Variants in IRAG2 observed in about 807,000 individuals in gnomAD.
IRAG2 encodes the protein lymphoid restricted membrane protein.
Under a neutral mutation model 69.9 loss-of-function variants are expected in IRAG2, and 45 were observed. The observed-to-expected ratio is 0.64, with a 90% CI of 0.51 to 0.83. The LOEUF (loss-of-function observed/expected upper bound fraction) is 0.83. Among genes scored for constraint, IRAG2 ranks in the 40% least tolerant of loss-of-function variants. The pLI, the probability that IRAG2 is intolerant of heterozygous loss-of-function variation, is 0.00. For synonymous variants in IRAG2, 193 were observed against 202.4 expected, an observed-to-expected ratio of 0.95 and a Z score of 0.40; for missense variants, 520 against 587.0, an observed-to-expected ratio of 0.89 and a Z score of 1.18.
At chr12:25,043,766 G>A (rs1944769658) in intron 16 of IRAG2, among the ~76,000 whole-genome samples, 1 of 152,204 alleles carries the variant, frequency 6.6e-6, no homozygotes, top group South Asian at 2.1e-4. Context: ...AGACCAGTAT[G>A]TGAAGACTGG....
intron 3 of IRAG2, chr12:25,015,137 TCCTAGCTCAC>T (rs1944514642): frequency 1.5e-6 from 1 of 668,556 alleles, no homozygotes; most frequent in African/African-American, 2.9e-5. Flanking sequence ...AGGCAAAGAA[TCCTAGCTCAC>T]TGGTTTTGTT....
chr12:25,062,373 A>G (rs888136226), intron 2 of IRAG2, among the ~76,000 whole-genome samples: 3 of 152,224 alleles, frequency 2.0e-5, no homozygotes, highest in Non-Finnish European at 2.9e-5. Flanking sequence ...GTTGAGCTGG[A>G]AAAACCTCCA....
intron 6 of IRAG2, among the ~76,000 whole-genome samples, chr12:25,070,774 C>T (rs569388567): frequency 2.6e-5 from 4 of 152,114 alleles, no homozygotes; most frequent in Admixed American, 6.5e-5. Context: ...ATGAAGATTC[C>T]GGTTTCTCTG....
intron 16 of IRAG2, 72 bp downstream of exon 16, chr12:25,101,397 ATTAC>A: frequency 9.3e-7 from 1 of 1,073,638 alleles, no homozygotes; most frequent in Admixed American, 3.0e-5. Flanking sequence ...AAGTCTTATT[ATTAC>A]TTCAGTATAA....
At chr12:25,008,236 C>G (rs1057010061) in intron 2 of IRAG2, among the ~76,000 whole-genome samples, 1 of 152,132 alleles carries the variant, frequency 6.6e-6, no homozygotes, top group Non-Finnish European at 1.5e-5. Flanking sequence ...AACTATTTTG[C>G]TATACTGGTG....
chr12:25,077,286 G>C (rs199841886), intron 6 of IRAG2, among the ~76,000 whole-genome samples: 16 of 19,172 alleles, frequency 8.3e-4, no homozygotes, highest in African/African-American at 1.1e-3. Context: ...AAATATATAT[G>C]ATATATATAT....
At chr12:25,004,448 A>G in exon 1 of IRAG2, 1 of 1,232,172 alleles carries the variant, frequency 8.1e-7, no homozygotes, top group Non-Finnish European at 1.0e-6. Context: ...AATCCAATTC[A>G]GCAGATTATC....
chr12:25,024,146 A>G (rs913459715), intron 8 of IRAG2, among the ~76,000 whole-genome samples: 3 of 152,234 alleles, frequency 2.0e-5, no homozygotes, highest in Non-Finnish European at 2.9e-5. Context: ...GATTTAAGAA[A>G]TTCAAATTTA....
intron 4 of IRAG2, among the ~76,000 whole-genome samples, chr12:25,065,039 G>A (rs1482317922): frequency 1.3e-5 from 2 of 151,514 alleles, no homozygotes; most frequent in East Asian, 1.9e-4. Flanking sequence ...GCAGTGAGCC[G>A]AGATTGTACC....
At chr12:25,013,039 A>G (rs1944489621) in intron 3 of IRAG2, among the ~76,000 whole-genome samples, 1 of 152,258 alleles carries the variant, frequency 6.6e-6, no homozygotes, top group Non-Finnish European at 1.5e-5. Flanking sequence ...GAGTTTAACA[A>G]AGATTTTTAA....
At chr12:25,076,358 G>A (rs760553294) in intron 6 of IRAG2, 3 of 932,588 alleles carry the variant, frequency 3.2e-6, no homozygotes, top group East Asian at 1.2e-4. Context: ...TTTATTGAAA[G>A]ACTTCTAACT....
chr12:25,059,013 A>G (rs1945440063), intron 1 of IRAG2, among the ~76,000 whole-genome samples: 1 of 152,238 alleles, frequency 6.6e-6, no homozygotes, highest in African/African-American at 2.4e-5. Context: ...GAATGCTTCA[A>G]GATAGACTGT....
chr12:25,004,095 T>C (rs1049075804), upstream of IRAG2, among the ~76,000 whole-genome samples: 2 of 152,210 alleles, frequency 1.3e-5, no homozygotes, highest in Non-Finnish European at 2.9e-5. Context: ...CTTAGTACCA[T>C]GCCTGGCACT....
At chr12:25,036,988 C>A (rs1177314988) in intron 15 of IRAG2, among the ~76,000 whole-genome samples, 1 of 152,062 alleles carries the variant, frequency 6.6e-6, no homozygotes, top group Admixed American at 6.6e-5. Context: ...AAGATTTTTC[C>A]TTAGCCTATT....
intron 1 of IRAG2, among the ~76,000 whole-genome samples, chr12:25,053,654 C>A (rs559800845): frequency 6.6e-5 from 10 of 151,984 alleles, no homozygotes; most frequent in African/African-American, 2.4e-4. Flanking sequence ...TAAAAATAAA[C>A]CTTACTTATT....
intron 4 of IRAG2, among the ~76,000 whole-genome samples, chr12:25,065,261 C>T (rs1321495433): frequency 6.6e-6 from 1 of 152,118 alleles, no homozygotes; most frequent in Non-Finnish European, 1.5e-5. Context: ...TAATAATTTG[C>T]CCAAGGTCAT....
intron 3 of IRAG2, 72 bp downstream of exon 3, chr12:25,062,972 A>G: frequency 2.5e-6 from 1 of 398,630 alleles, no homozygotes; most frequent in Non-Finnish European, 4.4e-6. Flanking sequence ...TAGAAAGCTA[A>G]ATCCAGTATG....
chr12:25,003,183 C>T (rs184296402), upstream of IRAG2, among the ~76,000 whole-genome samples: 91 of 151,672 alleles, frequency 6.0e-4, 1 homozygote, highest in East Asian at 0.016. Flanking sequence ...TATTATTGTT[C>T]ATTCTCTATT....
intron 2 of IRAG2, among the ~76,000 whole-genome samples, chr12:25,007,535 G>T (rs1944441863): frequency 6.6e-6 from 1 of 151,986 alleles, no homozygotes; most frequent in African/African-American, 2.4e-5. Flanking sequence ...TCCATTGATT[G>T]ATTGAGACAG....
Sources: allele counts gnomAD v4.1 joint callset (sites outside exome capture counted in the v4.1 genomes callset), GRCh38; gene constraint gnomAD v4.1.1; transcripts MANE v1.5; gene names NCBI Gene and HGNC (gene_info 2026-07-23, HGNC 2026-07-21).